Variants in IFT43 observed in about 807,000 individuals in gnomAD.
IFT43 encodes intraflagellar transport 43.
IFT43 carries 33 observed loss-of-function variants against 32.3 expected under a neutral mutation model. The ratio of observed to expected loss-of-function variants is 1.02; its 90% CI spans 0.77 to 1.37. The LOEUF (loss-of-function observed/expected upper bound fraction) is 1.37, where lower values mean the gene tolerates loss of function less well. IFT43 is among the 40% of genes most tolerant of loss of function. The pLI, the probability that IFT43 is intolerant of heterozygous loss-of-function variation, is 0.00. For missense variants in IFT43, 274 were observed against 265.9 expected, an observed-to-expected ratio of 1.03 and a Z score of -0.21; for synonymous variants, 93 against 98.2, an observed-to-expected ratio of 0.95 and a Z score of 0.31.
intron 5 of IFT43, among the ~76,000 whole-genome samples, chr14:76,065,346 C>A (rs890958293): frequency 2.6e-5 from 4 of 152,170 alleles, no homozygotes; most frequent in African/African-American, 9.7e-5. Context: ...GAAAAATCAA[C>A]TTTACTAAGG....
rs777730753 is a variant in IFT43 at position 76,058,692 on chromosome 14, T to C, written c.248+18T>C. 1 of 1,612,144 alleles carries C rather than the reference T, an allele frequency of 6.2e-7. No homozygotes were observed. The highest frequency in any genetic ancestry group is 1.1e-5 in the South Asian group (1 of 91,070). On this transcript the variant is annotated intron_variant, in intron 4 of 8. Transcript: ENST00000314067. Reference sequence around the variant, plus strand: ...ATAGAAGAGTACGTTTCCAGTATTCTTATTCTTATGGTATCCTATGTTGAT... The same window carrying C: ...ATAGAAGAGTACGTTTCCAGTATTCCTATTCTTATGGTATCCTATGTTGAT...
chr14:75,989,361 G>A (rs1287139076), intron 2 of IFT43, among the ~76,000 whole-genome samples: 1 of 145,164 alleles, frequency 6.9e-6, no homozygotes, highest in Non-Finnish European at 1.5e-5. Context: ...GGTGACCTGC[G>A]CTTTCTACAG....
At chr14:76,079,514 C>T (rs1234780178) in intron 5 of IFT43, among the ~76,000 whole-genome samples, 3 of 152,058 alleles carry the variant, frequency 2.0e-5, no homozygotes, top group East Asian at 3.9e-4. Flanking sequence ...GTCGTGGAGC[C>T]GGGATTTGGA....
intron 2 of IFT43, among the ~76,000 whole-genome samples, chr14:75,999,227 TTATATATATATA>T (rs1162371057): frequency 3.2e-4 from 31 of 96,096 alleles, no homozygotes; most frequent in Middle Eastern, 5.0e-3. Flanking sequence ...TAAATTCATT[TTATATATATATA>T]TATATATATA....
rs145809868 is a variant in IFT43, at chr14:76,054,667, T to C, written c.216-3975T>C. 3.9e-5 allele frequency among the ~76,000 whole-genome samples: 6 copies of C among 152,360 alleles called. No homozygotes were observed. The East Asian group carries it at 1.2e-3, about 29-fold the overall frequency. ...GTGTGAGGTGATCTCGCTGGAATTA[T>C]GATTTGCCAGGTTCCCCAAACTTCT... On this transcript the variant is annotated intron_variant, in intron 3 of 8. Coordinates refer to ENST00000314067, the MANE Select transcript of IFT43 (RefSeq NM_001102564.3).
rs2037076038 is a variant in IFT43, at chr14:76,058,837, T to C, written c.248+163T>C. 14 of 1,542,000 alleles carry C rather than the reference T, an allele frequency of 9.1e-6. No individual in the cohort carries two copies. In the South Asian group the frequency reaches 1.7e-4, roughly 18 times the overall value. On this transcript the variant is annotated intron_variant, in intron 4 of 8. Transcript: ENST00000314067. ...GAATCCAAGGTTTGGTTAATCCCGC[T>C]TCCTCAACTGAAGGTCTGGACCCTG... is the stretch of plus-strand genomic sequence containing the variant.
chr14:76,037,691 G>GTT (rs34567798), intron 3 of IFT43, among the ~76,000 whole-genome samples: 106,792 of 146,818 alleles, frequency 0.73, 39,233 homozygotes, highest in Non-Finnish European at 0.79. Context: ...CTCATTCTCT[G>GTT]TTTTTTTTTT....
intron 3 of IFT43, among the ~76,000 whole-genome samples, chr14:76,050,438 G>T (rs139761122): frequency 4.6e-5 from 7 of 152,222 alleles, no homozygotes; most frequent in African/African-American, 1.4e-4. Flanking sequence ...GTGTTTGGAT[G>T]TGGTGGGAGT....
chr14:76,073,866 C>T (rs12435714), intron 5 of IFT43, among the ~76,000 whole-genome samples: 52,726 of 151,934 alleles, frequency 0.35, 9,272 homozygotes, highest in African/African-American at 0.4. Flanking sequence ...CTCCCCCTCC[C>T]CCCGTTTCTC....
chr14:76,083,548 G>C lies in IFT43; in HGVS notation c.598G>C (p.Asp200His). 1 of 1,614,106 alleles carries C rather than the reference G, an allele frequency of 6.2e-7. No homozygotes were observed. Among genetic ancestry groups the C allele is most frequent in the Non-Finnish European group, 8.5e-7 (1 of 1,180,038 alleles). Residue 200 changes from aspartate to histidine, a missense_variant, in exon 9 of 9, where the codon GAC becomes CAC. Transcript: ENST00000314067. The part of the protein sequence containing the change: ...EWDPLQTEKE[D>H]PAGQARHT ...GGACCCACTGCAGACGGAGAAGGAG[G>C]ACCCTGCGGGGCAGGCCAGGCACAC...
chr14:76,034,474 G>A (rs2036563795), intron 3 of IFT43, among the ~76,000 whole-genome samples: 1 of 152,158 alleles, frequency 6.6e-6, no homozygotes, highest in Non-Finnish European at 1.5e-5. Flanking sequence ...CAAATATTCA[G>A]TCCGTAGCAG....
chr14:76,060,282 A>G (rs1360459358), intron 5 of IFT43, among the ~76,000 whole-genome samples: 1 of 152,066 alleles, frequency 6.6e-6, no homozygotes, highest in Non-Finnish European at 1.5e-5. Context: ...CAGTGGTGCA[A>G]TCTTGGCTCA....
At chr14:75,999,227 TTATATATATATATATATA>T (rs1162371057) in intron 2 of IFT43, among the ~76,000 whole-genome samples, 6 of 96,138 alleles carry the variant, frequency 6.2e-5, no homozygotes, top group African/African-American at 1.6e-4. Flanking sequence ...TAAATTCATT[TTATATATATATATATATA>T]TATATATATA....
intron 3 of IFT43, among the ~76,000 whole-genome samples, chr14:76,040,805 G>C (rs887549686): frequency 1.3e-5 from 2 of 152,236 alleles, no homozygotes; most frequent in African/African-American, 4.8e-5. Context: ...ACCCCAGTCA[G>C]TTCTCTCCCT....
chr14:75,996,775 G>A (rs2035755123), intron 2 of IFT43, among the ~76,000 whole-genome samples: 1 of 152,168 alleles, frequency 6.6e-6, no homozygotes. Context: ...TTGTTGTTCT[G>A]GGGGCAGATG....
At chr14:76,043,998 C>G (rs1021461902) in intron 3 of IFT43, among the ~76,000 whole-genome samples, 1 of 151,918 alleles carries the variant, frequency 6.6e-6, no homozygotes, top group East Asian at 1.9e-4. Flanking sequence ...GAAACAAACA[C>G]TTTACTTACT....
chr14:76,064,209 A>G lies in IFT43; in HGVS notation c.295+4836A>G, dbSNP rs575075781. Among the ~76,000 whole-genome samples, 41 of 152,258 alleles carry G rather than the reference A, an allele frequency of 2.7e-4. 4 individuals carry two copies. In the South Asian group the frequency reaches 7.7e-3, roughly 29 times the overall value. On this transcript the variant is annotated intron_variant, in intron 5 of 8. Coordinates refer to ENST00000314067, the MANE Select transcript of IFT43 (RefSeq NM_001102564.3). ...CTTTTAGACTTCTCCACCCACTAAT[A>G]ATTGCCAATGACTATATTAAATATG...
intron 2 of IFT43, among the ~76,000 whole-genome samples, chr14:76,009,168 G>A (rs909760678): frequency 2.6e-5 from 4 of 152,162 alleles, no homozygotes; most frequent in African/African-American, 4.8e-5. Flanking sequence ...CAACTTAGCC[G>A]CTAGGCAATC....
intron 2 of IFT43, among the ~76,000 whole-genome samples, chr14:76,007,435 TGAG>T (rs1310135789): frequency 1.3e-5 from 2 of 152,158 alleles, no homozygotes; most frequent in Non-Finnish European, 2.9e-5. Context: ...TTATCACCCT[TGAG>T]GAGTCTTGTG....
Sources: allele counts gnomAD v4.1 joint callset (sites outside exome capture counted in the v4.1 genomes callset), GRCh38; gene constraint gnomAD v4.1.1; transcripts MANE v1.5; gene names NCBI Gene and HGNC (gene_info 2026-07-23, HGNC 2026-07-21).